The following PJA2 variants were observed in gnomAD, a reference collection of about 807,000 sequenced individuals.
PJA2 encodes E3 ubiquitin-protein ligase Praja-2.
A neutral mutation model predicts 69.3 loss-of-function variants in PJA2; 25 were observed. That is an observed-to-expected ratio of 0.36 (90% confidence interval 0.26 to 0.50). The LOEUF is 0.50. Ranked by LOEUF, PJA2 falls within the 20% of genes least tolerant of loss-of-function variation. The pLI is 0.96. For synonymous variants in PJA2, 308 were observed against 277.8 expected (o/e 1.11, Z -1.08); for missense variants, 809 against 830.2 (o/e 0.97, Z 0.31).
At chr5:109,382,804 T>G (rs529779864) in intron 2 of PJA2, among the ~76,000 whole-genome samples, 1 of 149,216 alleles carries the variant, frequency 6.7e-6, no homozygotes, top group East Asian at 2.0e-4. Flanking sequence ...GCCAAGACTG[T>G]GCCACTGCAC....
intron 7 of PJA2, among the ~76,000 whole-genome samples, chr5:109,353,302 CTAT>C (rs1171334115): frequency 5.1e-5 from 7 of 138,010 alleles, no homozygotes; most frequent in African/African-American, 1.3e-4. Context: ...TATTAGATAT[CTAT>C]AATATCTATA....
At chr5:109,398,863 C>T (rs1266317650) in intron 1 of PJA2, among the ~76,000 whole-genome samples, 2 of 152,094 alleles carry the variant, frequency 1.3e-5, no homozygotes, top group East Asian at 1.9e-4. Context: ...TACCAGTACA[C>T]TGAAGATTTG....
intron 1 of PJA2, among the ~76,000 whole-genome samples, chr5:109,406,541 T>C (rs570943778): frequency 1.3e-5 from 2 of 152,280 alleles, no homozygotes; most frequent in Admixed American, 6.5e-5. Context: ...GAGGATGATG[T>C]GGAGCAATTG....
chr5:109,395,227 T>C (rs147563280), intron 1 of PJA2, among the ~76,000 whole-genome samples: 89 of 152,100 alleles, frequency 5.9e-4, no homozygotes, highest in African/African-American at 2.1e-3. Flanking sequence ...AAAATAAAAA[T>C]ATAACTTAAA....
intron 4 of PJA2, among the ~76,000 whole-genome samples, chr5:109,374,532 A>G (rs1172266167): frequency 1.3e-5 from 2 of 152,300 alleles, no homozygotes; most frequent in Non-Finnish European, 2.9e-5. Context: ...CCTTGTGGGA[A>G]CAGGGACCAT....
At position 109,337,226 on chromosome 5, in the gene PJA2, A is replaced by C. The variant is rs757917952; in HGVS notation, c.*5T>G. On this transcript the variant is annotated 3_prime_UTR_variant, in exon 10 of 10. Coordinates refer to ENST00000361189, the MANE Select transcript of PJA2 (RefSeq NM_014819.5). ...ATACACTGATCTCATTTCAACTGTCAAGGTTTAGGGTGCTTCTGCAATACT... is the reference window on the plus strand; with the variant it reads ...ATACACTGATCTCATTTCAACTGTCCAGGTTTAGGGTGCTTCTGCAATACT... 4 of 1,612,882 alleles carry C rather than the reference A, an allele frequency of 2.5e-6. No homozygotes were observed. Among genetic ancestry groups the C allele is most frequent in the East Asian group, 2.2e-5 (1 of 44,750 alleles).
chr5:109,349,472 C>G (rs1762216606), intron 7 of PJA2, among the ~76,000 whole-genome samples: 1 of 152,138 alleles, frequency 6.6e-6, no homozygotes, highest in South Asian at 2.1e-4. Flanking sequence ...TCTCTAGCAG[C>G]CAGTTCCTGT....
At chr5:109,375,163 A>C (rs566024302) in intron 4 of PJA2, among the ~76,000 whole-genome samples, 70 of 152,228 alleles carry the variant, frequency 4.6e-4, no homozygotes, top group Non-Finnish European at 9.1e-4. Flanking sequence ...ATACTTTTCT[A>C]CTTAAAAAGA....
intron 7 of PJA2, 27 bp from the exon 8 acceptor site, chr5:109,344,846 G>C (rs1485200290): frequency 5.5e-6 from 8 of 1,443,910 alleles, no homozygotes; most frequent in Non-Finnish European, 4.8e-6. Context: ...ACAGTTCTTT[G>C]TTAGAAATAC....
intron 9 of PJA2, among the ~76,000 whole-genome samples, chr5:109,342,197 G>A (rs1157767364): frequency 5.6e-5 from 2 of 35,560 alleles, no homozygotes; most frequent in Non-Finnish European, 1.2e-4. Context: ...GGAGGGAGGT[G>A]GGGGGGGGTC....
chr5:109,349,839 A>G (rs939516431), intron 7 of PJA2, among the ~76,000 whole-genome samples: 11 of 152,054 alleles, frequency 7.2e-5, no homozygotes, highest in African/African-American at 2.7e-4. Flanking sequence ...TCTTTGTTCT[A>G]GTTTAGAATT....
intron 1 of PJA2, among the ~76,000 whole-genome samples, chr5:109,395,668 G>C (rs75472388): frequency 0.03 from 4,626 of 152,260 alleles, 91 homozygotes; most frequent in Middle Eastern, 0.048. Flanking sequence ...TCATAAGCTT[G>C]TTTTAAAGAC....
At chr5:109,392,251 T>C (rs73209526) in intron 1 of PJA2, among the ~76,000 whole-genome samples, 3,087 of 151,994 alleles carry the variant, frequency 0.02, 96 homozygotes, top group African/African-American at 0.07. Context: ...AATGTATCAA[T>C]GGAATAGGAT....
At chr5:109,394,039 CTT>C (rs75679188) in intron 1 of PJA2, among the ~76,000 whole-genome samples, 213 of 81,876 alleles carry the variant, frequency 2.6e-3, no homozygotes, top group Middle Eastern at 0.01. Flanking sequence ...TTCTAATTCT[CTT>C]TTTTTTTTTT....
chr5:109,387,876 C>T (rs1747195071), intron 1 of PJA2, among the ~76,000 whole-genome samples: 2 of 152,082 alleles, frequency 1.3e-5, no homozygotes, highest in African/African-American at 4.8e-5. Context: ...CATTGTCTGA[C>T]AGTATATTTA....
chr5:109,368,215 A>C (rs2127001376), intron 5 of PJA2, among the ~76,000 whole-genome samples: 1 of 152,334 alleles, frequency 6.6e-6, no homozygotes, highest in African/African-American at 2.4e-5. Context: ...ATTTCTGTGA[A>C]TGAATCACTG....
chr5:109,355,391 G>T (rs2126995068), intron 7 of PJA2, among the ~76,000 whole-genome samples: 1 of 152,260 alleles, frequency 6.6e-6, no homozygotes, highest in South Asian at 2.1e-4. Context: ...TTAAGAACAG[G>T]TTTTTCTGTT....
At chr5:109,353,244 C>A (rs1489778751) in intron 7 of PJA2, among the ~76,000 whole-genome samples, 1 of 132,358 alleles carries the variant, frequency 7.6e-6, no homozygotes, top group Non-Finnish European at 1.6e-5. Flanking sequence ...CCTATAATAT[C>A]TATAGATATC....
chr5:109,388,602 C>G (rs77144484), intron 1 of PJA2, among the ~76,000 whole-genome samples: 2 of 150,240 alleles, frequency 1.3e-5, no homozygotes, highest in Admixed American at 6.6e-5. Context: ...CAACTGATAG[C>G]GTGGATCTAC....
Sources: allele counts gnomAD v4.1 joint callset (sites outside exome capture counted in the v4.1 genomes callset), GRCh38; gene constraint gnomAD v4.1.1; transcripts MANE v1.5; gene names NCBI Gene and HGNC (gene_info 2026-07-23, HGNC 2026-07-21).